The following TENM2 variants were observed in gnomAD, a reference collection of about 807,000 sequenced individuals.
The protein encoded by TENM2 is teneurin-2.
In TENM2, 52 loss-of-function variants were observed where a neutral mutation model predicts 245.2. The ratio of observed to expected loss-of-function variants is 0.21; its 90% CI spans 0.17 to 0.27. TENM2 has a LOEUF of 0.27. TENM2 is among the 10% of genes least tolerant of loss of function. The pLI, the probability that TENM2 is intolerant of heterozygous loss-of-function variation, is 1.00. For missense variants in TENM2, 3,046 were observed against 3,666.8 expected (o/e 0.83, Z 4.37); for synonymous variants, 1,363 against 1,438.9 (o/e 0.95, Z 1.19).
At chr5:167,134,759 T>C in the TENM2 span, among the ~76,000 whole-genome samples, 1 of 152,220 alleles carries the variant, frequency 6.6e-6, no homozygotes, top group Non-Finnish European at 1.5e-5. Context: ...GAAAGTATTA[T>C]CTTAGAACAT....
At chr5:167,150,224 C>T in the TENM2 span, among the ~76,000 whole-genome samples, 1 of 152,174 alleles carries the variant, frequency 6.6e-6, no homozygotes, top group African/African-American at 2.4e-5. Flanking sequence ...TTCCCCCTTT[C>T]CTTTCAGCAA....
At chr5:167,457,282 TTTTTA>T (rs71591185) in intron 2 of TENM2, among the ~76,000 whole-genome samples, 15,662 of 129,704 alleles carry the variant, frequency 0.12, 1,034 homozygotes, top group South Asian at 0.16. Context: ...ACTGACCTGC[TTTTTA>T]TTTTATTTTA....
At chr5:167,748,438 G>A (rs988070637) in intron 2 of TENM2, among the ~76,000 whole-genome samples, 1 of 152,094 alleles carries the variant, frequency 6.6e-6, no homozygotes, top group African/African-American at 2.4e-5. Context: ...GAGCGTAGTA[G>A]TGTAATCATA....
chr5:167,673,777 A>G (rs1358171570), intron 2 of TENM2, among the ~76,000 whole-genome samples: 1 of 151,686 alleles, frequency 6.6e-6, no homozygotes, highest in Non-Finnish European at 1.5e-5. Context: ...TTTTGAGTGT[A>G]GAACAATTCA....
chr5:166,986,303 T>C, the TENM2 span, among the ~76,000 whole-genome samples: 1 of 152,178 alleles, frequency 6.6e-6, no homozygotes, highest in Admixed American at 6.6e-5. Flanking sequence ...GTTAAAAAAA[T>C]TCCTCATCAC....
the TENM2 span, among the ~76,000 whole-genome samples, chr5:167,150,683 G>T: frequency 2.6e-5 from 4 of 152,092 alleles, no homozygotes; most frequent in Non-Finnish European, 5.9e-5. Flanking sequence ...TGTGTCCAAG[G>T]TTCTACATCT....
chr5:166,983,991 A>G, the TENM2 span, among the ~76,000 whole-genome samples: 1 of 152,172 alleles, frequency 6.6e-6, no homozygotes, highest in Non-Finnish European at 1.5e-5. Flanking sequence ...ATAAAAGTAT[A>G]GAACCCAGCT....
chr5:167,703,500 C>G (rs995342388), intron 2 of TENM2, among the ~76,000 whole-genome samples: 2 of 145,238 alleles, frequency 1.4e-5, no homozygotes, highest in African/African-American at 5.3e-5. Context: ...CCAATGTACT[C>G]CAACCTGGGT....
chr5:167,651,563 T>A (rs573497318), intron 2 of TENM2, among the ~76,000 whole-genome samples: 2 of 152,158 alleles, frequency 1.3e-5, no homozygotes, highest in Non-Finnish European at 2.9e-5. Flanking sequence ...CCGAGACATA[T>A]GTAGAAGTTG....
intron 27 of TENM2, among the ~76,000 whole-genome samples, chr5:168,258,542 A>G (rs146086608): frequency 2.1e-4 from 32 of 152,264 alleles, no homozygotes; most frequent in Non-Finnish European, 3.5e-4. Flanking sequence ...ATATGTATCA[A>G]CTGGTAAATG....
At chr5:168,198,221 A>C (rs1344658413) in intron 15 of TENM2, among the ~76,000 whole-genome samples, 1 of 127,438 alleles carries the variant, frequency 7.8e-6, no homozygotes, top group Admixed American at 8.6e-5. Context: ...TTTGAGACAG[A>C]GTCTCACTCT....
At chr5:167,245,240 C>T in the TENM2 span, among the ~76,000 whole-genome samples, 95,620 of 152,132 alleles carry the variant, frequency 0.63, 32,797 homozygotes, top group Middle Eastern at 0.86. Context: ...TGGCATTTCA[C>T]ACTTGGGCAA....
the TENM2 span, among the ~76,000 whole-genome samples, chr5:167,208,168 G>A: frequency 3.3e-5 from 5 of 149,754 alleles, no homozygotes; most frequent in South Asian, 2.2e-4. Context: ...AGATGTGTAC[G>A]TGTTGAGGGT....
chr5:167,537,209 TGA>T (rs903498706), intron 2 of TENM2, among the ~76,000 whole-genome samples: 38 of 139,150 alleles, frequency 2.7e-4, no homozygotes, highest in African/African-American at 9.7e-4. Flanking sequence ...TACAGGAGTT[TGA>T]GACCAGCCTG....
intron 27 of TENM2, among the ~76,000 whole-genome samples, chr5:168,255,429 G>A (rs920075356): frequency 6.6e-6 from 1 of 152,000 alleles, no homozygotes; most frequent in Admixed American, 6.5e-5. Flanking sequence ...AGCCTCCTGA[G>A]GAGCTGGGAC....
intron 2 of TENM2, among the ~76,000 whole-genome samples, chr5:167,661,054 A>G (rs529404445): frequency 5.3e-5 from 8 of 152,350 alleles, no homozygotes; most frequent in African/African-American, 1.4e-4. Context: ...GAAGAAATGC[A>G]AAATGGTAGA....
chr5:167,161,395 CT>C, the TENM2 span, among the ~76,000 whole-genome samples: 9 of 152,268 alleles, frequency 5.9e-5, no homozygotes, highest in East Asian at 1.7e-3. Flanking sequence ...AAGTTTTATG[CT>C]TTCTTCCCCG....
At chr5:168,031,839 A>C (rs1787177794) in intron 5 of TENM2, among the ~76,000 whole-genome samples, 1 of 151,834 alleles carries the variant, frequency 6.6e-6, no homozygotes, top group Admixed American at 6.6e-5. Context: ...AAGGGAAAGA[A>C]AGAAAAAAGC....
At chr5:168,205,682 A>G (rs1029500150) in intron 19 of TENM2, among the ~76,000 whole-genome samples, 2 of 152,190 alleles carry the variant, frequency 1.3e-5, no homozygotes, top group African/African-American at 4.8e-5. Flanking sequence ...GACTGATAGA[A>G]GCCCAATGTG....
Sources: gnomAD v4.1 joint callset for allele counts (sites outside exome capture counted in the v4.1 genomes callset) on GRCh38, gnomAD v4.1.1 for gene constraint, MANE v1.5 for transcripts, NCBI Gene and HGNC (gene_info 2026-07-23, HGNC 2026-07-21) for gene names.